SRD5A2: variants seen among roughly 807,000 people sequenced by gnomAD.
SRD5A2 encodes 3-oxo-5-alpha-steroid 4-dehydrogenase 2.
Under a neutral mutation model 27.4 loss-of-function variants are expected in SRD5A2, and 30 were observed. That is an observed-to-expected ratio of 1.10 (90% CI 0.82 to 1.49). The LOEUF (loss-of-function observed/expected upper bound fraction) is 1.49, where lower values mean the gene tolerates loss of function less well. SRD5A2 is among the 40% of genes most tolerant of loss of function. SRD5A2 has a pLI of 0.00. For missense variants in SRD5A2, 348 were observed against 323.4 expected, an observed-to-expected ratio of 1.08 and a Z score of -0.58; for synonymous variants, 141 against 133.6, an observed-to-expected ratio of 1.06 and a Z score of -0.38.
At chr2:31,567,456 G>GTATATATA (rs1553327758) in intron 1 of SRD5A2, among the ~76,000 whole-genome samples, 1,695 of 140,274 alleles carry the variant, frequency 0.012, 7 homozygotes, top group Non-Finnish European at 0.018. Context: ...GTGTGTGTGT[G>GTATATATA]TATATATATA....
chr2:31,596,969 T>C, the SRD5A2 span, among the ~76,000 whole-genome samples: 12 of 152,166 alleles, frequency 7.9e-5, no homozygotes, highest in Admixed American at 3.9e-4. Context: ...ACCACCATCA[T>C]TTTTTCACAG....
At chr2:31,553,532 AATGTGACACGTCACATACAAGGACAC>A (rs1463511289) in intron 1 of SRD5A2, among the ~76,000 whole-genome samples, 2 of 152,200 alleles carry the variant, frequency 1.3e-5, no homozygotes, top group East Asian at 1.9e-4. Context: ...CAGCAAGAGA[AATGTGACACGTCACATACAAGGACAC>A]ATCAATAATA....
chr2:31,598,340 G>T, the SRD5A2 span, among the ~76,000 whole-genome samples: 1 of 151,894 alleles, frequency 6.6e-6, no homozygotes, highest in Non-Finnish European at 1.5e-5. Context: ...TACATAATGG[G>T]TGCAGTGTAC....
chr2:31,570,100 C>G (rs944278612), intron 1 of SRD5A2, among the ~76,000 whole-genome samples: 2 of 151,906 alleles, frequency 1.3e-5, no homozygotes, highest in African/African-American at 4.8e-5. Context: ...GGCCAATATC[C>G]CTGATGAACA....
the SRD5A2 span, among the ~76,000 whole-genome samples, chr2:31,645,421 C>T: frequency 6.6e-6 from 1 of 152,162 alleles, no homozygotes; most frequent in African/African-American, 2.4e-5. Flanking sequence ...TAAATACATA[C>T]ACCTACTATG....
the SRD5A2 span, among the ~76,000 whole-genome samples, chr2:31,640,785 C>T: frequency 3.3e-5 from 5 of 152,168 alleles, no homozygotes; most frequent in South Asian, 2.1e-4. Context: ...GGTAGTCCTA[C>T]CTACCCGCTT....
intron 1 of SRD5A2, among the ~76,000 whole-genome samples, chr2:31,574,108 C>T (rs746152790): frequency 5.3e-5 from 8 of 152,212 alleles, no homozygotes; most frequent in Non-Finnish European, 1.0e-4. Context: ...CCGTGCTAAC[C>T]AGGCTTCTTT....
the SRD5A2 span, among the ~76,000 whole-genome samples, chr2:31,595,021 T>G: frequency 6.6e-6 from 1 of 152,044 alleles, no homozygotes; most frequent in Non-Finnish European, 1.5e-5. Flanking sequence ...AAGATAATAG[T>G]GACACAACCT....
At chr2:31,606,259 A>G in the SRD5A2 span, among the ~76,000 whole-genome samples, 1 of 151,974 alleles carries the variant, frequency 6.6e-6, no homozygotes. Flanking sequence ...GTCAATAACA[A>G]TTTAATTGTA....
chr2:31,622,094 C>G, the SRD5A2 span, among the ~76,000 whole-genome samples: 1 of 152,092 alleles, frequency 6.6e-6, no homozygotes, highest in South Asian at 2.1e-4. Flanking sequence ...CACCCATTAG[C>G]TATTCTTCCT....
chr2:31,645,000 C>G, the SRD5A2 span, among the ~76,000 whole-genome samples: 2 of 152,112 alleles, frequency 1.3e-5, no homozygotes, highest in African/African-American at 4.8e-5. Context: ...ACAACTTATT[C>G]TTTTCTGAAG....
At chr2:31,593,767 T>C in the SRD5A2 span, among the ~76,000 whole-genome samples, 4 of 152,074 alleles carry the variant, frequency 2.6e-5, no homozygotes, top group African/African-American at 9.7e-5. Flanking sequence ...AAAGTCAAGA[T>C]GAAGGAAAGA....
At chr2:31,557,453 T>C (rs920208623) in intron 1 of SRD5A2, among the ~76,000 whole-genome samples, 11 of 152,250 alleles carry the variant, frequency 7.2e-5, no homozygotes, top group Non-Finnish European at 1.3e-4. Flanking sequence ...GTAAAAGGCT[T>C]AACTCAGTAA....
At chr2:31,649,186 C>A in the SRD5A2 span, among the ~76,000 whole-genome samples, 1 of 152,194 alleles carries the variant, frequency 6.6e-6, no homozygotes, top group African/African-American at 2.4e-5. Flanking sequence ...CAGCCGCTAG[C>A]TATTCCATTT....
chr2:31,580,869 A>T lies in SRD5A2; in HGVS notation c.32T>A (p.Leu11Gln), dbSNP rs759544280. MQVQCQQSPVLAGSATLVALG... is the reference protein window; with the variant it reads MQVQCQQSPVQAGSATLVALG... ...GGCGACCAAAGTGGCGCTGCCTGCC[A>T]GCACTGGGCTCTGCTGGCACTGAAC... Residue 11 changes from leucine (L) to glutamine (Q), a missense_variant, in exon 1 of 5, where the codon CTG becomes CAG. Leu to Gln is a moderately radical substitution (Grantham distance 113). Coordinates refer to ENST00000622030, the MANE Select transcript of SRD5A2 (RefSeq NM_000348.4). 4.3e-6 allele frequency: 7 copies of T among 1,610,222 alleles called. No homozygotes were observed. The highest frequency in any genetic ancestry group is 5.9e-6 in the Non-Finnish European group (7 of 1,178,890).
the SRD5A2 span, among the ~76,000 whole-genome samples, chr2:31,609,094 T>C: frequency 6.6e-6 from 1 of 152,050 alleles, no homozygotes; most frequent in South Asian, 2.1e-4. Flanking sequence ...TCACCAGACA[T>C]TGAGTCCACT....
At chr2:31,552,814 A>C (rs1047524939) in intron 1 of SRD5A2, among the ~76,000 whole-genome samples, 2 of 152,064 alleles carry the variant, frequency 1.3e-5, no homozygotes, top group African/African-American at 4.8e-5. Flanking sequence ...AAACTGGGAG[A>C]GATGGCTGTT....
chr2:31,657,024 A>C, the SRD5A2 span, among the ~76,000 whole-genome samples: 1 of 152,042 alleles, frequency 6.6e-6, no homozygotes, highest in African/African-American at 2.4e-5. Flanking sequence ...AAACTATCAC[A>C]AAAAAAAGTA....
chr2:31,549,124 A>G (rs183044109), intron 1 of SRD5A2, among the ~76,000 whole-genome samples: 30 of 139,042 alleles, frequency 2.2e-4, no homozygotes, highest in Non-Finnish European at 3.5e-4. Context: ...TATTATTATT[A>G]TTATTTAAGA....
Sources: allele counts gnomAD v4.1 joint callset (sites outside exome capture counted in the v4.1 genomes callset), GRCh38; gene constraint gnomAD v4.1.1; transcripts MANE v1.5; gene names NCBI Gene and HGNC (gene_info 2026-07-23, HGNC 2026-07-21).